PLK4: variants seen among roughly 807,000 people sequenced by gnomAD.
PLK4 encodes serine/threonine-protein kinase PLK4.
In PLK4, 51 loss-of-function variants were observed where a neutral mutation model predicts 103.0. The observed-to-expected ratio is 0.50, with a 90% CI of 0.40 to 0.63. PLK4 has a LOEUF of 0.63. Among genes scored for constraint, PLK4 ranks in the 20% least tolerant of loss-of-function variants. PLK4 has a pLI of 0.00. For missense variants in PLK4, 1,054 were observed against 1,151.0 expected (o/e 0.92, Z 1.22); for synonymous variants, 389 against 376.8 (o/e 1.03, Z -0.38).
At chr4:127,893,130 A>G in intron 10 of PLK4, 155 bp from the exon 11 acceptor site, 1 of 486,212 alleles carries the variant, frequency 2.1e-6, no homozygotes, top group East Asian at 3.4e-5. Context: ...ATATTTATTG[A>G]ATGCTTTGAT....
chr4:127,888,573 G>T (rs896318362), intron 6 of PLK4, among the ~76,000 whole-genome samples: 14 of 152,268 alleles, frequency 9.2e-5, no homozygotes, highest in Middle Eastern at 3.4e-3. Flanking sequence ...ACAGTATAGG[G>T]TACCAATGGG....
rs146056387 is a variant in PLK4 at position 127,893,752 on chromosome 4, T to C, written c.2433T>C (p.Ser811=). Reference sequence around the variant, plus strand: ...CCTTCAGAAAACCTGGTAGTACTAGTTCACCTAAGGCCTTATCACCTCCTC... The same window carrying C: ...CCTTCAGAAAACCTGGTAGTACTAGCTCACCTAAGGCCTTATCACCTCCTC... ...IIIGRKPGST[S]SPKALSPPPS... Residue 811 remains serine (S), a synonymous_variant, in exon 13 of 16, where the codon AGT becomes AGC. Coordinates refer to ENST00000270861, the MANE Select transcript of PLK4 (RefSeq NM_014264.5). The C allele has an allele frequency of 3.0e-4, 482 of 1,610,182 alleles. 2 individuals carry two copies. In the African/African-American group the frequency reaches 5.8e-3, roughly 19 times the overall value.
At position 127,881,847 on chromosome 4, in the gene PLK4, A is replaced by G. The variant is rs758544783; in HGVS notation, c.47A>G (p.Asn16Ser). 1 of 1,602,962 alleles carries G rather than the reference A, an allele frequency of 6.2e-7. No homozygotes were observed. The highest frequency in any genetic ancestry group is 8.5e-7 in the Non-Finnish European group (1 of 1,169,910). ...GEKIEDFKVG[N>S]LLGKGSFAGV... is the part of the protein sequence containing the mutation. Reference sequence around the variant, plus strand: ...ACTTTTAAGGATTTTAAAGTTGGAAATCTGCTTGGTAAAGGATCATTTGCT... The same window carrying G: ...ACTTTTAAGGATTTTAAAGTTGGAAGTCTGCTTGGTAAAGGATCATTTGCT... The change falls in exon 2 of 16, where the codon AAT becomes AGT. Residue 16 changes from asparagine to serine, a missense_variant. Coordinates refer to ENST00000270861, the MANE Select transcript of PLK4 (RefSeq NM_014264.5).
Position 127,886,278 on chromosome 4 carries a change from G to C in PLK4, c.908G>C (p.Ser303Thr). 2 of 1,612,968 alleles carry C rather than the reference G, an allele frequency of 1.2e-6. No individual in the cohort carries two copies. The highest frequency in any genetic ancestry group is 1.7e-6 in the Non-Finnish European group (2 of 1,178,960). ...ACAGCTTCTTCCAGTACCAGTATAA[G>C]TGGTAGTTTATTTGACAAAAGAAGA... Reference protein sequence around the residue: ...AITASSSTSISGSLFDKRRLL... With the variant: ...AITASSSTSITGSLFDKRRLL... The change falls in exon 5 of 16, where the codon AGT (serine) becomes ACT (threonine). Residue 303 changes from serine to threonine, a missense_variant. Physicochemically the swap from Ser to Thr is moderately conservative, Grantham distance 58. Transcript: ENST00000270861.
chr4:127,884,110 C>T (rs575839064), intron 4 of PLK4, among the ~76,000 whole-genome samples: 7 of 152,242 alleles, frequency 4.6e-5, no homozygotes, highest in South Asian at 2.1e-4. Flanking sequence ...TCTTTAAAAA[C>T]GTAGCCACAA....
At chr4:127,881,497 C>T in intron 1 of PLK4, 1 of 930,192 alleles carries the variant, frequency 1.1e-6, no homozygotes, top group South Asian at 1.9e-5. Context: ...GCGGTTATCT[C>T]CGGCGGGAGC....
chr4:127,892,709 T>C, intron 10 of PLK4, 195 bp downstream of exon 10: 1 of 460,374 alleles, frequency 2.2e-6, no homozygotes, highest in South Asian at 2.7e-5. Context: ...TTAAACAATT[T>C]ATCCTATAAT....
intron 1 of PLK4, chr4:127,881,460 G>A (rs1578748635): frequency 8.3e-7 from 1 of 1,211,524 alleles, no homozygotes; most frequent in Non-Finnish European, 1.1e-6. Flanking sequence ...GCAGGGCAGG[G>A]CTACCTCCCA....
rs772696249 is a variant in PLK4 at position 127,892,392 on chromosome 4, C to T, written c.2066C>T (p.Ala689Val). 5 of 1,566,238 alleles carry T rather than the reference C, an allele frequency of 3.2e-6. No homozygotes were observed. The Admixed American group carries it at 6.4e-5, about 20-fold the overall frequency. ...PEKYWRKYQY[A>V]SRFVQLVRSK... ...AAATACTGGCGAAAATATCAATATG[C>T]TTCCAGGTTTGTACAGCTTGTAAGA... The change falls in exon 10 of 16, where the codon GCT becomes GTT. Residue 689 changes from alanine to valine, a missense_variant. Around this residue, in one of 4 missense-constraint regions of PLK4, gnomAD observed 680 missense variants for 660.3 expected, o/e 1.03. Coordinates refer to ENST00000270861, the MANE Select transcript of PLK4 (RefSeq NM_014264.5).
chr4:127,895,891 C>T (rs1358509771), intron 14 of PLK4, among the ~76,000 whole-genome samples: 1 of 152,008 alleles, frequency 6.6e-6, no homozygotes, highest in African/African-American at 2.4e-5. Context: ...AAGCAAGACC[C>T]CATCTTTTTT....
Position 127,891,075 on chromosome 4 carries a change from G to GTTTTT in PLK4, c.1831-7_1831-3dup. ...ACAAAAGAATTATTACTGATTTTGG[G>GTTTTT]TTTTTTTTTTTTTTAGGTGAGCATA... is the stretch of plus-strand genomic sequence containing the variant. On this transcript the variant is annotated splice_polypyrimidine_tract_variant and intron_variant, in intron 7 of 15. Coordinates refer to ENST00000270861, the MANE Select transcript of PLK4 (RefSeq NM_014264.5). 3 of 1,146,944 alleles carry GTTTTT rather than the reference G, an allele frequency of 2.6e-6. No homozygotes were observed. Among genetic ancestry groups the GTTTTT allele is most frequent in the African/African-American group, 1.7e-5 (1 of 60,606 alleles). The allele number at this position is 1,146,944 out of a possible 1,614,324, so 71.0% of individuals were successfully genotyped here.
At position 127,892,403 on chromosome 4, in the gene PLK4, G is replaced by A; in HGVS notation, c.2077G>A (p.Val693Ile). The change falls in exon 10 of 16, where the codon GTA becomes ATA. Residue 693 changes from valine (V) to isoleucine (I), a missense_variant. By Grantham distance (29) the Val-to-Ile change is conservative. Around this residue, in one of 4 missense-constraint regions of PLK4, gnomAD observed 680 missense variants for 660.3 expected, o/e 1.03. Transcript: ENST00000270861. ...WRKYQYASRF[V>I]QLVRSKSPKI... ...AAAATATCAATATGCTTCCAGGTTT[G>A]TACAGCTTGTAAGATCTAAATCTCC... is the stretch of plus-strand genomic sequence containing the variant. 2 of 1,579,646 alleles carry A rather than the reference G, an allele frequency of 1.3e-6. No individual in the cohort carries two copies. Among genetic ancestry groups the A allele is most frequent in the Non-Finnish European group, 8.6e-7 (1 of 1,167,382 alleles).
rs1418368158 is a variant in PLK4 at position 127,892,453 on chromosome 4, T to C, written c.2127T>C (p.Tyr709=). The part of the protein sequence containing the change: ...KSPKITYFTR[Y]AKCILMENSP... ...CCAAAATCACTTATTTTACAAGATA[T>C]GCTAAATGCATTTTGATGGAGAATT... The change falls in exon 10 of 16, where the codon TAT becomes TAC. Residue 709 remains tyrosine, a synonymous_variant. Coordinates refer to ENST00000270861, the MANE Select transcript of PLK4 (RefSeq NM_014264.5). 2.5e-6 allele frequency: 4 copies of C among 1,599,352 alleles called. No individual in the cohort carries two copies. The highest frequency in any genetic ancestry group is 1.4e-5 in the African/African-American group (1 of 73,612).
At chr4:127,897,823 G>GTTTTTTTTTTTTTTTT (rs1560703278) in intron 15 of PLK4, among the ~76,000 whole-genome samples, 1 of 37,138 alleles carries the variant, frequency 2.7e-5, no homozygotes, top group African/African-American at 9.4e-5. Flanking sequence ...TAGAATTAGG[G>GTTTTTTTTTTTTTTTT]CTTTTTTTTT....
Position 127,890,303 on chromosome 4 carries a change from A to G in PLK4, c.1830+67A>G, listed in dbSNP as rs1437946927. 2.3e-6 allele frequency: 3 copies of G among 1,308,630 alleles called. No homozygotes were observed. In the East Asian group the frequency reaches 7.0e-5, roughly 31 times the overall value. 81.1% of individuals were successfully genotyped at this position (1,308,630 alleles called of 1,614,324 possible). ...TTGAGAATACAATTCTTGAGAACAT[A>G]TTTTTTAGTCCTCTGTAATGTCCTT... On this transcript the variant is annotated intron_variant, in intron 7 of 15. Transcript: ENST00000270861.
In PLK4 at chr4:127,888,177, CAAAAAAAAAAAAAAAAAA is replaced by C. The variant is rs58491426; in HGVS notation, c.1459+699_1459+716del. Among the ~76,000 whole-genome samples, 124 of 33,250 alleles carry C rather than the reference CAAAAAAAAAAAAAAAAAA, an allele frequency of 3.7e-3. 1 individual carries two copies. The highest frequency in any genetic ancestry group is 6.0e-3 in the South Asian group (3 of 504). The allele number at this position is 33,250 out of a possible 152,430, so 21.8% of individuals were successfully genotyped here. On this transcript the variant is annotated intron_variant, in intron 6 of 15. Coordinates refer to ENST00000270861, the MANE Select transcript of PLK4 (RefSeq NM_014264.5). ...TCTAGGTGATAGAGCTAGACTGTCT[CAAAAAAAAAAAAAAAAAA>C]AAAAAAAAAAAAAAAAAGCATTTTC...
intron 10 of PLK4, 193 bp downstream of exon 10, chr4:127,892,707 T>C (rs1735409048): frequency 2.1e-6 from 1 of 471,394 alleles, no homozygotes; most frequent in East Asian, 4.2e-5. Context: ...CTTTAAACAA[T>C]TTATCCTATA....
rs116020281 is a variant in PLK4 at position 127,892,111 on chromosome 4, G to T, written c.2039-254G>T. Reference sequence around the variant, plus strand: ...ATAATTCACCATGTATGTGGCTTTTGAGCTTTGAAATCAGTGCTGCTACAT... The same window carrying T: ...ATAATTCACCATGTATGTGGCTTTTTAGCTTTGAAATCAGTGCTGCTACAT... On this transcript the variant is annotated intron_variant, in intron 9 of 15. Transcript: ENST00000270861. The T allele has an allele frequency of 0.014, 3,970 of 277,576 alleles. 143 individuals are homozygous for T. Among genetic ancestry groups the T allele is most frequent in the African/African-American group, 0.082 (3,699 of 45,224 alleles). The allele number at this position is 277,576 out of a possible 1,614,324, so 17.2% of individuals were successfully genotyped here.
intron 1 of PLK4, 32 bp downstream of exon 1, chr4:127,881,196 G>A: frequency 6.2e-7 from 1 of 1,613,792 alleles, no homozygotes. Flanking sequence ...CAGCGGGGCG[G>A]GTGGGAGTAA....
Sources: gnomAD v4.1 joint callset for allele counts (sites outside exome capture counted in the v4.1 genomes callset) on GRCh38, gnomAD v4.1.1 for gene constraint, gnomAD v4.1.1 regional missense constraint, MANE v1.5 for transcripts, NCBI Gene and HGNC (gene_info 2026-07-23, HGNC 2026-07-21) for gene names.